RMND1: variants seen among roughly 807,000 people sequenced by gnomAD.
RMND1 encodes the protein required for meiotic nuclear division protein 1 homolog.
In RMND1, 41 loss-of-function variants were observed where a neutral mutation model predicts 54.0. The observed-to-expected ratio is 0.76, with a 90% CI of 0.59 to 0.98. The LOEUF is 0.98. Among genes scored for constraint, RMND1 ranks in the 50% least tolerant of loss-of-function variants. The pLI is 0.00. For synonymous variants in RMND1, 183 were observed against 181.7 expected, an observed-to-expected ratio of 1.01 and a Z score of -0.06; for missense variants, 457 against 532.0, an observed-to-expected ratio of 0.86 and a Z score of 1.39.
At chr6:151,435,437 T>C (rs573552219) in intron 3 of RMND1, among the ~76,000 whole-genome samples, 15 of 152,062 alleles carry the variant, frequency 9.9e-5, no homozygotes, top group South Asian at 2.1e-4. Context: ...TGAGCCACCA[T>C]GGCTGGCCTA....
intron 1 of RMND1, among the ~76,000 whole-genome samples, chr6:151,448,754 C>T (rs1188832482): frequency 3.9e-5 from 6 of 152,186 alleles, no homozygotes; most frequent in African/African-American, 7.2e-5. Context: ...TGAATCTCAA[C>T]GCGAAATCTA....
chr6:151,419,907 TATAAAG>T (rs889254979), intron 9 of RMND1, among the ~76,000 whole-genome samples: 3 of 152,154 alleles, frequency 2.0e-5, no homozygotes, highest in Middle Eastern at 3.4e-3. Context: ...TGTGTATGCA[TATAAAG>T]ATAAACATGA....
intron 7 of RMND1, among the ~76,000 whole-genome samples, chr6:151,423,151 C>T (rs544997991): frequency 6.6e-6 from 1 of 152,276 alleles, no homozygotes; most frequent in African/African-American, 2.4e-5. Context: ...TCCTATGGAA[C>T]ACTAGAGTAT....
intron 6 of RMND1, 136 bp downstream of exon 6, chr6:151,427,346 A>G: frequency 3.9e-6 from 2 of 507,348 alleles, no homozygotes; most frequent in Non-Finnish European, 7.1e-6. Flanking sequence ...ACTGCACTCC[A>G]TCCTGGGCGA....
intron 6 of RMND1, 53 bp from the exon 7 acceptor site, chr6:151,423,684 T>C: frequency 1.6e-6 from 2 of 1,261,492 alleles, no homozygotes; most frequent in South Asian, 2.4e-5. Flanking sequence ...CACTTTAACT[T>C]TTCCTTTGAA....
chr6:151,417,507 TAA>T (rs921277516), intron 9 of RMND1, 108 bp from the exon 10 acceptor site: 9 of 804,386 alleles, frequency 1.1e-5, no homozygotes, highest in African/African-American at 3.5e-5. Context: ...TTTTTTTTGG[TAA>T]GAGAGAGGGT....
At chr6:151,428,897 T>G (rs1298105931) in intron 5 of RMND1, among the ~76,000 whole-genome samples, 1 of 152,174 alleles carries the variant, frequency 6.6e-6, no homozygotes. Context: ...ATCTCAACAT[T>G]TATGAAACTA....
rs200272405 is a variant in RMND1, at chr6:151,445,290, C to G, written c.504+18G>C. 1.3e-6 allele frequency: 2 copies of G among 1,589,290 alleles called. No homozygotes were observed. Among genetic ancestry groups the G allele is most frequent in the Non-Finnish European group, 1.7e-6 (2 of 1,168,968 alleles). ...CAATGATCACTAAGCACGAGAGCCACGGCCACCCCTACTTTACCTCGTTCA... is the reference window on the plus strand; with the variant it reads ...CAATGATCACTAAGCACGAGAGCCAGGGCCACCCCTACTTTACCTCGTTCA... On this transcript the variant is annotated intron_variant, in intron 2 of 11. Transcript: ENST00000444024.
chr6:151,405,356 G>A, intron 11 of RMND1, 89 bp from the exon 12 acceptor site: 4 of 1,234,166 alleles, frequency 3.2e-6, no homozygotes, highest in South Asian at 2.5e-5. Context: ...AATGAGAAAT[G>A]CTCCTGAAGT....
In RMND1 at chr6:151,445,617, A is replaced by G. The variant is rs1374852646; in HGVS notation, c.195T>C (p.Ser65=). The G allele has an allele frequency of 6.8e-6, 11 of 1,614,170 alleles. No homozygotes were observed. The highest frequency in any genetic ancestry group is 5.9e-6 in the Non-Finnish European group (7 of 1,180,018). The stretch of plus-strand genomic sequence containing the variant: ...TTTTTTGGTTCATTTCCAGGATCTG[A>G]GACTTATTCAAACCACTAGCTGTTT... ...PDKTASGLNK[S]QILEMNQKKS... is the part of the protein sequence containing the mutation. The change falls in exon 2 of 12, where the codon TCT becomes TCC. Residue 65 remains serine (S), a synonymous_variant. Transcript: ENST00000444024.
chr6:151,421,213 T>C (rs767413445), intron 9 of RMND1, 32 bp downstream of exon 9: 4 of 1,435,640 alleles, frequency 2.8e-6, no homozygotes, highest in South Asian at 2.4e-5. Context: ...GTTAAATATA[T>C]GAAATATTTT....
rs1249591456 is a variant in RMND1 at position 151,405,221 on chromosome 6, T to C, written c.*14A>G. On this transcript the variant is annotated 3_prime_UTR_variant, in exon 12 of 12. Transcript: ENST00000444024. ...TTGAATATCTCTTGCAGTGACACTT[T>C]GGTTATCACTTGATCAGAAAAATAC... 2.5e-6 allele frequency: 4 copies of C among 1,606,932 alleles called. No individual in the cohort carries two copies. The highest frequency in any genetic ancestry group is 1.6e-4 in the Middle Eastern group (1 of 6,078).
chr6:151,432,138 C>T (rs868459910), intron 4 of RMND1, among the ~76,000 whole-genome samples: 2 of 152,064 alleles, frequency 1.3e-5, no homozygotes, highest in African/African-American at 4.8e-5. Context: ...AGGGTTTCAC[C>T]ATGTTGGCCA....
intron 10 of RMND1, chr6:151,408,834 T>G (rs762743667): frequency 6.6e-6 from 1 of 152,118 alleles, no homozygotes; most frequent in Non-Finnish European, 1.5e-5. Flanking sequence ...GGTGAGGAAA[T>G]GGATTCCACT....
chr6:151,425,240 G>C (rs931848082), intron 6 of RMND1, among the ~76,000 whole-genome samples: 18 of 152,206 alleles, frequency 1.2e-4, no homozygotes, highest in African/African-American at 4.3e-4. Context: ...ACTGTGCTTG[G>C]TCACAAGATG....
In RMND1 at chr6:151,421,042, T is replaced by C. The variant is rs185701875; in HGVS notation, c.1079+203A>G. The C allele has an allele frequency of 5.8e-5, 27 of 461,902 alleles. No individual in the cohort carries two copies. The East Asian group carries it at 8.7e-4, about 15-fold the overall frequency. The allele number at this position is 461,902 out of a possible 1,614,324, so 28.6% of individuals were successfully genotyped here. A position where few individuals can be genotyped will look rare whatever the true frequency, so the allele number is the denominator to read the frequency against. On this transcript the variant is annotated intron_variant, in intron 9 of 11. Transcript: ENST00000444024. ...GATGAATCGTGATCTCTTTTGCACA[T>C]GCGTGATTTCTTTCAGTACAGTCTT...
At chr6:151,408,448 C>T (rs760455334) in intron 10 of RMND1, among the ~76,000 whole-genome samples, 31 of 151,994 alleles carry the variant, frequency 2.0e-4, no homozygotes, top group Admixed American at 9.2e-4. Context: ...GCCAAGACCA[C>T]GGCATTGAAC....
intron 2 of RMND1, 40 bp downstream of exon 2, chr6:151,445,268 T>C (rs773279420): frequency 2.6e-6 from 4 of 1,563,054 alleles, no homozygotes; most frequent in South Asian, 2.4e-5. Flanking sequence ...GCATGAGCAA[T>C]GATCACTAAG....
In RMND1 at chr6:151,417,371, G is replaced by A. The variant is rs1780036121; in HGVS notation, c.1108C>T (p.Leu370=). The A allele has an allele frequency of 1.2e-6, 2 of 1,610,288 alleles. No homozygotes were observed. Among genetic ancestry groups the A allele is most frequent in the South Asian group, 1.1e-5 (1 of 90,260 alleles). Reference sequence around the variant, plus strand: ...TCCCAGTAGAAATCAGGAGTAATCAGGAAGTCTGAACTCAAGTTTATACGG... The same window carrying A: ...TCCCAGTAGAAATCAGGAGTAATCAAGAAGTCTGAACTCAAGTTTATACGG... ...RHRINLSSDF[L]ITPDFYWDRE... is the part of the protein sequence containing the mutation. Residue 370 remains leucine (L), a synonymous_variant, in exon 10 of 12, where the codon CTG becomes TTG. Coordinates refer to ENST00000444024, the MANE Select transcript of RMND1 (RefSeq NM_017909.4).
Sources: gnomAD v4.1 joint callset for allele counts (sites outside exome capture counted in the v4.1 genomes callset) on GRCh38, gnomAD v4.1.1 for gene constraint, MANE v1.5 for transcripts, NCBI Gene and HGNC (gene_info 2026-07-23, HGNC 2026-07-21) for gene names.